FRMD6: variants seen among roughly 807,000 people sequenced by gnomAD.
FRMD6 encodes the protein FERM domain-containing protein 6.
FRMD6 carries 37 observed loss-of-function variants against 73.2 expected under a neutral mutation model. The observed-to-expected ratio is 0.51, with a 90% CI of 0.39 to 0.66. The LOEUF is 0.66. Ranked by LOEUF, FRMD6 falls within the 30% of genes least tolerant of loss-of-function variation. The probability of loss-of-function intolerance (pLI) is 0.00; values close to 1 mark genes in which losing one functional copy is unlikely to be tolerated. For missense variants in FRMD6, 714 were observed against 780.5 expected (o/e 0.91, Z 1.02); for synonymous variants, 273 against 282.2 (o/e 0.97, Z 0.33).
chr14:51,463,406 A>G, the FRMD6 span, among the ~76,000 whole-genome samples: 1 of 152,162 alleles, frequency 6.6e-6, no homozygotes, highest in Non-Finnish European at 1.5e-5. Context: ...TCAGTGTAGT[A>G]CTTGGTGCAT....
At chr14:51,549,890 C>G (rs570880171) in intron 1 of FRMD6, among the ~76,000 whole-genome samples, 6 of 152,178 alleles carry the variant, frequency 3.9e-5, no homozygotes, top group Non-Finnish European at 7.4e-5. Context: ...CCACCGCGCC[C>G]GGCCAGCTGG....
At chr14:51,454,213 A>G in the FRMD6 span, among the ~76,000 whole-genome samples, 1 of 152,234 alleles carries the variant, frequency 6.6e-6, no homozygotes, top group Non-Finnish European at 1.5e-5. Flanking sequence ...AGCCACGTAC[A>G]CAATGCTTTC....
chr14:51,672,523 T>C (rs1244824655), intron 1 of FRMD6, among the ~76,000 whole-genome samples: 3 of 152,224 alleles, frequency 2.0e-5, no homozygotes, highest in Non-Finnish European at 2.9e-5. Flanking sequence ...AAAGACTGCA[T>C]TGACATGGTT....
At chr14:51,594,400 C>T (rs1889593632) in intron 2 of FRMD6, among the ~76,000 whole-genome samples, 1 of 151,992 alleles carries the variant, frequency 6.6e-6, no homozygotes, top group Admixed American at 6.6e-5. Flanking sequence ...GCGATCTTGG[C>T]TCACGGCAAC....
chr14:51,527,584 G>A (rs1291052750), intron 1 of FRMD6, among the ~76,000 whole-genome samples: 3 of 152,148 alleles, frequency 2.0e-5, no homozygotes, highest in Admixed American at 6.5e-5. Flanking sequence ...GGGGTCTCTA[G>A]AAAAACCTCC....
chr14:51,652,616 G>T (rs1306978891), intron 1 of FRMD6, among the ~76,000 whole-genome samples: 1 of 152,262 alleles, frequency 6.6e-6, no homozygotes, highest in Non-Finnish European at 1.5e-5. Context: ...TGCCTAGTCT[G>T]CGGAGCCGGA....
At chr14:51,643,836 T>C (rs192664894) in intron 2 of FRMD6, 1 of 152,172 alleles carries the variant, frequency 6.6e-6, no homozygotes, top group Non-Finnish European at 1.5e-5. Flanking sequence ...AACTATTCTG[T>C]TCCCAAGCGT....
At chr14:51,478,473 C>T in the FRMD6 span, among the ~76,000 whole-genome samples, 2 of 152,166 alleles carry the variant, frequency 1.3e-5, no homozygotes, top group Non-Finnish European at 2.9e-5. Flanking sequence ...TGAGAATTCA[C>T]TCAGGAATTC....
the FRMD6 span, among the ~76,000 whole-genome samples, chr14:51,478,437 TTAA>T: frequency 1.3e-5 from 2 of 152,256 alleles, no homozygotes; most frequent in African/African-American, 4.8e-5. Context: ...GATGTTTTGG[TTAA>T]AAAGTATCTA....
intron 1 of FRMD6, among the ~76,000 whole-genome samples, chr14:51,498,125 G>A (rs935604421): frequency 4.6e-5 from 7 of 152,048 alleles, no homozygotes; most frequent in African/African-American, 7.2e-5. Context: ...TAATTCATCC[G>A]TCTTTCTTCT....
At chr14:51,588,633 G>C (rs1889193297) in intron 2 of FRMD6, among the ~76,000 whole-genome samples, 1 of 152,152 alleles carries the variant, frequency 6.6e-6, no homozygotes, top group Admixed American at 6.5e-5. Context: ...CACATGAGGA[G>C]AGTTTTAGAT....
chr14:51,586,856 G>A (rs1277009331), intron 2 of FRMD6, among the ~76,000 whole-genome samples: 2 of 152,122 alleles, frequency 1.3e-5, no homozygotes, highest in East Asian at 3.9e-4. Context: ...CAATCCTCCC[G>A]CCTCCATCTC....
intron 1 of FRMD6, among the ~76,000 whole-genome samples, chr14:51,655,751 A>G (rs1039148624): frequency 6.6e-6 from 1 of 152,224 alleles, no homozygotes; most frequent in East Asian, 1.9e-4. Flanking sequence ...GATCAGAATG[A>G]TTAGAATCAA....
At chr14:51,536,095 T>TAGAGAG (rs1262597387) in intron 1 of FRMD6, among the ~76,000 whole-genome samples, 1,962 of 138,888 alleles carry the variant, frequency 0.014, 31 homozygotes, top group Admixed American at 0.051. Context: ...TATATATATA[T>TAGAGAG]ATAGAGAGAG....
At chr14:51,450,094 CA>C in the FRMD6 span, among the ~76,000 whole-genome samples, 1 of 152,166 alleles carries the variant, frequency 6.6e-6, no homozygotes, top group Admixed American at 6.5e-5. Context: ...ATACCTGTGG[CA>C]AAAATTCAAT....
intron 7 of FRMD6, 55 bp from the exon 8 acceptor site, chr14:51,711,476 C>T (rs1275529311): frequency 4.4e-5 from 53 of 1,201,330 alleles, no homozygotes; most frequent in Non-Finnish European, 5.6e-5. Flanking sequence ...AAATTGTCCA[C>T]TGTAGAAAAA....
intron 1 of FRMD6, among the ~76,000 whole-genome samples, chr14:51,513,422 C>G (rs890687823): frequency 6.6e-6 from 1 of 152,186 alleles, no homozygotes; most frequent in African/African-American, 2.4e-5. Context: ...TGCCATTCCT[C>G]TCAGCCACAG....
the FRMD6 span, among the ~76,000 whole-genome samples, chr14:51,404,797 T>G: frequency 6.6e-6 from 1 of 152,230 alleles, no homozygotes; most frequent in African/African-American, 2.4e-5. Flanking sequence ...TATTTTAGGT[T>G]TGGCAGTACA....
At chr14:51,708,014 G>A (rs1896727074) in intron 6 of FRMD6, 64 bp from the exon 7 acceptor site, 1 of 1,470,094 alleles carries the variant, frequency 6.8e-7, no homozygotes, top group South Asian at 1.2e-5. Context: ...TCATTTTGGG[G>A]GTGGGGGTAG....
Sources: gnomAD v4.1 joint callset for allele counts (sites outside exome capture counted in the v4.1 genomes callset) on GRCh38, gnomAD v4.1.1 for gene constraint, MANE v1.5 for transcripts, NCBI Gene and HGNC (gene_info 2026-07-23, HGNC 2026-07-21) for gene names.